WDR70: variants seen among roughly 807,000 people sequenced by gnomAD.
WDR70 encodes the protein WD repeat domain 70.
WDR70 carries 53 observed loss-of-function variants against 88.6 expected under a neutral mutation model. The observed-to-expected ratio is 0.60, with a 90% CI of 0.48 to 0.75. The LOEUF (loss-of-function observed/expected upper bound fraction) is 0.75. Ranked by LOEUF, WDR70 falls within the 30% of genes least tolerant of loss-of-function variation. The pLI, the probability that WDR70 is intolerant of heterozygous loss-of-function variation, is 0.00. For synonymous variants in WDR70, 280 were observed against 270.0 expected (o/e 1.04, Z -0.36); for missense variants, 610 against 823.2 (o/e 0.74, Z 3.17).
At chr5:37,686,558 C>T (rs1452890903) in intron 10 of WDR70, among the ~76,000 whole-genome samples, 1 of 147,428 alleles carries the variant, frequency 6.8e-6, no homozygotes. Context: ...GAGACCACCA[C>T]CCCCGGCTCT....
chr5:37,410,808 TA>T (rs1229496890), intron 5 of WDR70, among the ~76,000 whole-genome samples: 2 of 152,206 alleles, frequency 1.3e-5, no homozygotes, highest in Non-Finnish European at 2.9e-5. Context: ...TGGAAGTAGG[TA>T]TGGAAGTGTG....
At chr5:37,444,868 G>A (rs573963452) in intron 7 of WDR70, among the ~76,000 whole-genome samples, 1 of 152,200 alleles carries the variant, frequency 6.6e-6, no homozygotes, top group East Asian at 1.9e-4. Flanking sequence ...ATTCTAATAT[G>A]GATTGTGCAA....
chr5:37,729,117 CCT>C (rs1253621893), intron 17 of WDR70, among the ~76,000 whole-genome samples: 2 of 152,046 alleles, frequency 1.3e-5, no homozygotes, highest in Non-Finnish European at 2.9e-5. Flanking sequence ...TTCTCAAGCG[CCT>C]ATATATTTTT....
chr5:37,550,514 C>T (rs560900267), intron 9 of WDR70, among the ~76,000 whole-genome samples: 100 of 152,280 alleles, frequency 6.6e-4, no homozygotes, highest in African/African-American at 2.4e-3. Context: ...CAGATTAGGT[C>T]TGATGTTTCT....
At chr5:37,392,149 A>G in intron 4 of WDR70, 29 bp downstream of exon 4, 1 of 1,593,720 alleles carries the variant, frequency 6.3e-7, no homozygotes, top group Non-Finnish European at 8.5e-7. Context: ...GACTTCTATT[A>G]AACTATCAGT....
chr5:37,519,077 T>C (rs550106022), intron 9 of WDR70, among the ~76,000 whole-genome samples: 1 of 152,370 alleles, frequency 6.6e-6, no homozygotes, highest in Non-Finnish European at 1.5e-5. Flanking sequence ...GAGTCTCCTA[T>C]GTCTACTTCT....
intron 10 of WDR70, among the ~76,000 whole-genome samples, chr5:37,616,220 G>A (rs1486616511): frequency 6.6e-6 from 1 of 151,904 alleles, no homozygotes; most frequent in African/African-American, 2.4e-5. Context: ...AGATTCAAGT[G>A]ATTCTCCCAC....
At chr5:37,707,937 AAAAAAAAAAAAATATATATAT>A (rs1747386432) in intron 13 of WDR70, among the ~76,000 whole-genome samples, 2 of 35,576 alleles carry the variant, frequency 5.6e-5, no homozygotes, top group African/African-American at 2.0e-4. Context: ...AAAAAAAAAA[AAAAAAAAAAAAATATATATAT>A]ATATATATAT....
chr5:37,546,568 T>G (rs1742000993), intron 9 of WDR70, among the ~76,000 whole-genome samples: 1 of 152,242 alleles, frequency 6.6e-6, no homozygotes. Context: ...GAAAAATAGT[T>G]AATATTATCA....
chr5:37,471,618 G>A (rs1447530216), intron 7 of WDR70, among the ~76,000 whole-genome samples: 1 of 150,910 alleles, frequency 6.6e-6, no homozygotes, highest in Non-Finnish European at 1.5e-5. Context: ...TTTTGATGAA[G>A]GTAACATTTG....
At chr5:37,385,062 T>A (rs1318567778) in intron 3 of WDR70, among the ~76,000 whole-genome samples, 1 of 152,156 alleles carries the variant, frequency 6.6e-6, no homozygotes, top group Non-Finnish European at 1.5e-5. Flanking sequence ...CAGTTTATTA[T>A]AAAGAATATT....
At chr5:37,424,148 C>CAAAAAAAAAAAA (rs11304949) in intron 5 of WDR70, among the ~76,000 whole-genome samples, 2 of 55,492 alleles carry the variant, frequency 3.6e-5, no homozygotes, top group Non-Finnish European at 5.9e-5. Context: ...GACTCCATCT[C>CAAAAAAAAAAAA]AAAAAAAAAA....
chr5:37,691,809 G>T (rs531709470), intron 10 of WDR70, among the ~76,000 whole-genome samples: 1 of 151,986 alleles, frequency 6.6e-6, no homozygotes, highest in South Asian at 2.1e-4. Context: ...AACTAGAAAA[G>T]CAAAAGCTTT....
chr5:37,418,952 CAG>C (rs1333173869), intron 5 of WDR70, among the ~76,000 whole-genome samples: 1 of 151,926 alleles, frequency 6.6e-6, no homozygotes, highest in Non-Finnish European at 1.5e-5. Flanking sequence ...TTGGTAGAGA[CAG>C]GGTTTCACCA....
chr5:37,554,214 G>A (rs1192209834), intron 9 of WDR70, among the ~76,000 whole-genome samples: 2 of 150,680 alleles, frequency 1.3e-5, no homozygotes, highest in Non-Finnish European at 2.9e-5. Flanking sequence ...GTGGAAAATT[G>A]TGAGCCTGTC....
intron 10 of WDR70, among the ~76,000 whole-genome samples, chr5:37,678,715 G>A: frequency 6.6e-6 from 1 of 152,126 alleles, no homozygotes; most frequent in Non-Finnish European, 1.5e-5. Flanking sequence ...GTGTCTTGGA[G>A]TTGCTCTTCT....
intron 10 of WDR70, among the ~76,000 whole-genome samples, chr5:37,633,291 G>A (rs987453489): frequency 6.6e-6 from 1 of 152,050 alleles, no homozygotes. Context: ...AAGTACTTCA[G>A]AATTTTATAT....
In WDR70 at chr5:37,563,194, T is replaced by G. The variant is rs1266021416; in HGVS notation, c.918-41870T>G. ...CGGGGGGCTGACCCCCCCACCTCCC[T>G]CCTGGACGGGGCGGCTGGCCGGGCA... On this transcript the variant is annotated intron_variant, in intron 9 of 17. Transcript: ENST00000265107. 7.9e-5 allele frequency among the ~76,000 whole-genome samples: 4 copies of G among 50,350 alleles called. 1 individual carries two copies. Among genetic ancestry groups the G allele is most frequent in the African/African-American group, 1.7e-4 (3 of 17,772 alleles). The allele number at this position is 50,350 out of a possible 152,430, so 33.0% of individuals were successfully genotyped here.
intron 10 of WDR70, among the ~76,000 whole-genome samples, chr5:37,672,895 C>G (rs535999421): frequency 6.6e-4 from 100 of 152,230 alleles, no homozygotes; most frequent in Non-Finnish European, 1.1e-3. Flanking sequence ...CCTTCATCTT[C>G]TGACTTTTAC....
Sources: gnomAD v4.1 joint callset for allele counts (sites outside exome capture counted in the v4.1 genomes callset) on GRCh38, gnomAD v4.1.1 for gene constraint, MANE v1.5 for transcripts, NCBI Gene and HGNC (gene_info 2026-07-23, HGNC 2026-07-21) for gene names.